SKP2: variants seen among roughly 807,000 people sequenced by gnomAD.
The protein encoded by SKP2 is S-phase kinase-associated protein 2.
Under a neutral mutation model 51.8 loss-of-function variants are expected in SKP2, and 16 were observed. The ratio of observed to expected loss-of-function variants is 0.31; its 90% CI spans 0.21 to 0.47. SKP2 has a LOEUF of 0.47. Among genes scored for constraint, SKP2 ranks in the 20% least tolerant of loss-of-function variants. The pLI, the probability that SKP2 is intolerant of heterozygous loss-of-function variation, is 1.00. For missense variants in SKP2, 377 were observed against 505.3 expected (o/e 0.75, Z 2.43); for synonymous variants, 176 against 198.6 (o/e 0.89, Z 0.96).
At chr5:36,171,467 C>G in intron 6 of SKP2, 136 bp from the exon 7 acceptor site, 1 of 819,794 alleles carries the variant, frequency 1.2e-6, no homozygotes, top group Non-Finnish European at 2.0e-6. Flanking sequence ...AAGGTAGCTA[C>G]TGTTAGAGAA....
chr5:36,157,081 C>T (rs1744974904), intron 2 of SKP2, among the ~76,000 whole-genome samples: 1 of 152,188 alleles, frequency 6.6e-6, no homozygotes, highest in African/African-American at 2.4e-5. Context: ...GTCAAACCCA[C>T]TAAATTGATT....
At chr5:36,161,801 A>G (rs555573525) in intron 2 of SKP2, among the ~76,000 whole-genome samples, 2 of 152,316 alleles carry the variant, frequency 1.3e-5, no homozygotes, top group African/African-American at 2.4e-5. Flanking sequence ...ATGCTCAGTA[A>G]AGACTGGCAC....
rs1745894602 is a variant in SKP2 at position 36,183,867 on chromosome 5, C to T, written c.*1836C>T. On this transcript the variant is annotated 3_prime_UTR_variant, in exon 10 of 10. Transcript: ENST00000274255. ...TAGTGACAAGAGCTGGGGTTAGGAT[C>T]CGGTTGGACTCTGACATCGGATGCC... 9.3e-6 allele frequency: 15 copies of T among 1,606,690 alleles called. No individual in the cohort carries two copies. Among genetic ancestry groups the T allele is most frequent in the Non-Finnish European group, 1.0e-5 (12 of 1,178,382 alleles).
chr5:36,158,572 T>C (rs894956940), intron 2 of SKP2, among the ~76,000 whole-genome samples: 4 of 152,224 alleles, frequency 2.6e-5, no homozygotes, highest in African/African-American at 9.6e-5. Flanking sequence ...AACCCATTGA[T>C]AGCATCTTTG....
intron 9 of SKP2, among the ~76,000 whole-genome samples, chr5:36,180,649 C>T (rs1472513125): frequency 6.6e-6 from 1 of 152,094 alleles, no homozygotes; most frequent in African/African-American, 2.4e-5. Flanking sequence ...GTTCTGTAAA[C>T]ACAAGGGAAG....
At chr5:36,179,531 C>T (rs975751418) in intron 9 of SKP2, among the ~76,000 whole-genome samples, 6 of 152,116 alleles carry the variant, frequency 3.9e-5, no homozygotes, top group African/African-American at 1.4e-4. Flanking sequence ...AAACTTCCTT[C>T]TAATTCTTCC....
chr5:36,159,350 G>A (rs1216490480), intron 2 of SKP2, among the ~76,000 whole-genome samples: 1 of 152,142 alleles, frequency 6.6e-6, no homozygotes, highest in East Asian at 1.9e-4. Context: ...GATTTCTTAT[G>A]TCTTCCTAAT....
At chr5:36,185,110 GTTT>G (rs1745934168), downstream of SKP2, among the ~76,000 whole-genome samples, 1 of 152,016 alleles carries the variant, frequency 6.6e-6, no homozygotes, top group South Asian at 2.1e-4. Context: ...TGATGGGGTG[GTTT>G]TTTTCTTGTA....
At chr5:36,157,504 G>A (rs1744989285) in intron 2 of SKP2, among the ~76,000 whole-genome samples, 1 of 152,164 alleles carries the variant, frequency 6.6e-6, no homozygotes, top group Admixed American at 6.5e-5. Context: ...AGCCAACATG[G>A]CCTCAAATGT....
intron 7 of SKP2, among the ~76,000 whole-genome samples, chr5:36,174,821 G>A (rs914525935): frequency 1.3e-5 from 2 of 152,128 alleles, no homozygotes; most frequent in Admixed American, 1.3e-4. Flanking sequence ...GCATATGTGA[G>A]AGAAGAACAT....
At position 36,168,420 on chromosome 5, in the gene SKP2, G is replaced by C; in HGVS notation, c.644G>C (p.Gly215Ala). ...CSKLQNLSLE[G>A]LRLSDPIVNT... is the part of the protein sequence containing the mutation. Reference sequence around the variant, plus strand: ...AAGTTGCAGAATCTAAGCCTGGAAGGCCTGCGGCTTTCGGATCCCATTGTC... The same window carrying C: ...AAGTTGCAGAATCTAAGCCTGGAAGCCCTGCGGCTTTCGGATCCCATTGTC... The change falls in exon 5 of 10, where the codon GGC (glycine) becomes GCC (alanine). Residue 215 changes from glycine (G) to alanine (A), a missense_variant. Around this residue, in one of 2 missense-constraint regions of SKP2, gnomAD observed 262 missense variants for 389.8 expected, o/e 0.67. Coordinates refer to ENST00000274255, the MANE Select transcript of SKP2 (RefSeq NM_005983.4). 1 of 1,614,202 alleles carries C rather than the reference G, an allele frequency of 6.2e-7. No individual in the cohort carries two copies. Among genetic ancestry groups the C allele is most frequent in the Non-Finnish European group, 8.5e-7 (1 of 1,180,022 alleles).
At chr5:36,179,678 ATAAGG>A (rs1156722462) in intron 9 of SKP2, among the ~76,000 whole-genome samples, 3 of 152,200 alleles carry the variant, frequency 2.0e-5, no homozygotes, top group Admixed American at 6.5e-5. Context: ...TATTGTACAG[ATAAGG>A]TAAGGAGCAA....
At chr5:36,157,558 A>T (rs1329025128) in intron 2 of SKP2, among the ~76,000 whole-genome samples, 1 of 152,154 alleles carries the variant, frequency 6.6e-6, no homozygotes, top group Non-Finnish European at 1.5e-5. Context: ...CTCATCTGGG[A>T]TGGCACAATC....
At chr5:36,153,240 A>ATATATATG (rs1554084224) in intron 2 of SKP2, among the ~76,000 whole-genome samples, 198 bp downstream of exon 2, 1 of 115,060 alleles carries the variant, frequency 8.7e-6, no homozygotes, top group East Asian at 2.3e-4. Context: ...ATATATATAT[A>ATATATATG]TATGTATGTT....
In SKP2 at chr5:36,153,005, T is replaced by G; in HGVS notation, c.243T>G (p.Ile81Met). The change falls in exon 2 of 10, where the codon ATT becomes ATG. Residue 81 changes from isoleucine to methionine, a missense_variant. Physicochemically the swap from Ile to Met is conservative, Grantham distance 10 (BLOSUM62 1). Around this residue, in one of 2 missense-constraint regions of SKP2, gnomAD observed 115 missense variants for 115.5 expected, o/e 1.00. Transcript: ENST00000274255. ...KSKGSDKDFV[I>M]VRRPKLNREN... ...AAGGGAGTGACAAAGACTTTGTGAT[T>G]GTCCGCAGGCCTAAGCTAAATCGAG... 1 of 1,614,164 alleles carries G rather than the reference T, an allele frequency of 6.2e-7. No homozygotes were observed. Among genetic ancestry groups the G allele is most frequent in the Non-Finnish European group, 8.5e-7 (1 of 1,180,032 alleles).
At chr5:36,167,768 G>A (rs375487073) in intron 4 of SKP2, among the ~76,000 whole-genome samples, 5 of 152,174 alleles carry the variant, frequency 3.3e-5, no homozygotes, top group South Asian at 4.2e-4. Context: ...ACAGGTGTGC[G>A]CCACCACGCC....
chr5:36,175,696 A>G (rs1439828947), intron 7 of SKP2, among the ~76,000 whole-genome samples: 1 of 151,814 alleles, frequency 6.6e-6, no homozygotes, highest in Non-Finnish European at 1.5e-5. Context: ...CCAAGTTGAA[A>G]TTATAACGCA....
chr5:36,177,546 GAGAAGACTTAGC>G lies in SKP2; in HGVS notation c.1061+258_1061+269del, dbSNP rs1488046886. 4 of 498,064 alleles carry G rather than the reference GAGAAGACTTAGC, an allele frequency of 8.0e-6. No individual in the cohort carries two copies. The East Asian group carries it at 1.7e-4, about 21-fold the overall frequency. The allele number at this position is 498,064 out of a possible 1,614,324, so 30.9% of individuals were successfully genotyped here. A position where few individuals can be genotyped will look rare whatever the true frequency, so the allele number is the denominator to read the frequency against. On this transcript the variant is annotated intron_variant, in intron 9 of 9. Coordinates refer to ENST00000274255, the MANE Select transcript of SKP2 (RefSeq NM_005983.4). ...ACTAGCTTGCTGTCTTAGTATCTATGAGAAGACTTAGCAGAGAAGCAGAAGATAACCTTTTCC... is the reference window on the plus strand; with the variant it reads ...ACTAGCTTGCTGTCTTAGTATCTATGAGAGAAGCAGAAGATAACCTTTTCC...
intron 5 of SKP2, among the ~76,000 whole-genome samples, chr5:36,169,199 C>G (rs1278440350): frequency 1.3e-5 from 2 of 152,092 alleles, no homozygotes; most frequent in Non-Finnish European, 2.9e-5. Context: ...AATCCCAGCA[C>G]TTTGGGAGGC....
Sources: gnomAD v4.1 joint callset for allele counts (sites outside exome capture counted in the v4.1 genomes callset) on GRCh38, gnomAD v4.1.1 for gene constraint, gnomAD v4.1.1 regional missense constraint, MANE v1.5 for transcripts, NCBI Gene and HGNC (gene_info 2026-07-23, HGNC 2026-07-21) for gene names.